TAFA1: variants seen among roughly 807,000 people sequenced by gnomAD.
The protein encoded by TAFA1 is TAFA chemokine like family member 1, also known as chemokine-like protein TAFA-1.
Under a neutral mutation model 18.5 loss-of-function variants are expected in TAFA1, and 4 were observed. The observed-to-expected ratio is 0.22, with a 90% CI of 0.11 to 0.49. The LOEUF (loss-of-function observed/expected upper bound fraction) is 0.49. TAFA1 is among the 20% of genes least tolerant of loss of function. TAFA1 has a pLI of 0.98. For missense variants in TAFA1, 147 were observed against 169.0 expected, an observed-to-expected ratio of 0.87 and a Z score of 0.72; for synonymous variants, 56 against 55.2, an observed-to-expected ratio of 1.01 and a Z score of -0.06.
chr3:68,406,500 TC>T (rs1481027001), intron 2 of TAFA1, among the ~76,000 whole-genome samples: 2 of 152,230 alleles, frequency 1.3e-5, no homozygotes, highest in African/African-American at 4.8e-5. Context: ...AGATGTTGGC[TC>T]AGGGAAGCTG....
At chr3:68,334,772 A>G (rs2068943043) in intron 2 of TAFA1, among the ~76,000 whole-genome samples, 3 of 152,096 alleles carry the variant, frequency 2.0e-5, no homozygotes, top group South Asian at 4.1e-4. Flanking sequence ...ACACATTGAT[A>G]TGGGTTCCTC....
chr3:68,181,089 A>C (rs1490869002), intron 2 of TAFA1, among the ~76,000 whole-genome samples: 1 of 152,120 alleles, frequency 6.6e-6, no homozygotes, highest in African/African-American at 2.4e-5. Flanking sequence ...TGGTCCAACA[A>C]ACTACAAGGA....
chr3:68,303,606 G>A (rs558541281), intron 2 of TAFA1, among the ~76,000 whole-genome samples: 81 of 151,928 alleles, frequency 5.3e-4, no homozygotes, highest in African/African-American at 1.9e-3. Flanking sequence ...CCACCACCAC[G>A]TCCAGCTAAT....
chr3:68,456,218 A>T (rs2071662819), intron 3 of TAFA1, among the ~76,000 whole-genome samples: 1 of 152,170 alleles, frequency 6.6e-6, no homozygotes, highest in Non-Finnish European at 1.5e-5. Flanking sequence ...TTTCCCTTCA[A>T]GACTCAGGGG....
At chr3:68,312,128 C>T (rs923270976) in intron 2 of TAFA1, among the ~76,000 whole-genome samples, 9 of 152,186 alleles carry the variant, frequency 5.9e-5, no homozygotes, top group Non-Finnish European at 7.3e-5. Context: ...CTGTGATGCA[C>T]GGCATCAAGT....
chr3:68,508,696 A>G (rs2072801671), intron 3 of TAFA1, among the ~76,000 whole-genome samples: 1 of 152,146 alleles, frequency 6.6e-6, no homozygotes, highest in South Asian at 2.1e-4. Flanking sequence ...TCAGACAAAA[A>G]TAACACCAAT....
At chr3:68,354,362 T>G (rs905354767) in intron 2 of TAFA1, among the ~76,000 whole-genome samples, 1 of 151,972 alleles carries the variant, frequency 6.6e-6, no homozygotes, top group Non-Finnish European at 1.5e-5. Context: ...GCCCTGTGTT[T>G]CCATCTAGCA....
At chr3:68,412,438 A>C (rs1191798572) in intron 2 of TAFA1, among the ~76,000 whole-genome samples, 2 of 151,850 alleles carry the variant, frequency 1.3e-5, no homozygotes, top group Non-Finnish European at 2.9e-5. Context: ...CAGGTTTGTT[A>C]CATATGTATA....
At chr3:68,435,968 C>CT (rs972220181) in intron 3 of TAFA1, among the ~76,000 whole-genome samples, 4 of 152,054 alleles carry the variant, frequency 2.6e-5, no homozygotes, top group Non-Finnish European at 5.9e-5. Context: ...GATATTTTTA[C>CT]TTGATTGAGC....
At chr3:68,135,667 T>G (rs981247839) in intron 2 of TAFA1, among the ~76,000 whole-genome samples, 4 of 152,238 alleles carry the variant, frequency 2.6e-5, no homozygotes, top group African/African-American at 9.6e-5. Flanking sequence ...ATCAGCGGTA[T>G]TTTTTGTATG....
At chr3:68,472,249 T>C (rs773685431) in intron 3 of TAFA1, among the ~76,000 whole-genome samples, 4 of 152,164 alleles carry the variant, frequency 2.6e-5, no homozygotes, top group Non-Finnish European at 4.4e-5. Flanking sequence ...CAAGATCTGA[T>C]GGTTTTATAA....
intron 2 of TAFA1, among the ~76,000 whole-genome samples, chr3:68,081,472 G>A (rs994791657): frequency 7.3e-5 from 11 of 151,700 alleles, no homozygotes; most frequent in African/African-American, 2.4e-4. Flanking sequence ...TGATGATGGT[G>A]ATGTACAGAT....
At chr3:68,203,859 C>A (rs939720832) in intron 2 of TAFA1, among the ~76,000 whole-genome samples, 1 of 151,660 alleles carries the variant, frequency 6.6e-6, no homozygotes, top group Non-Finnish European at 1.5e-5. Context: ...TTTTCTCCCT[C>A]TCCTGGTTGG....
At chr3:68,079,048 A>G (rs561207197) in intron 2 of TAFA1, among the ~76,000 whole-genome samples, 2,538 of 152,264 alleles carry the variant, frequency 0.017, 74 homozygotes, top group African/African-American at 0.058. Context: ...GGTAGAGGGT[A>G]TGTGTCCAGG....
intron 2 of TAFA1, among the ~76,000 whole-genome samples, chr3:68,317,305 A>G (rs1415719609): frequency 6.6e-6 from 1 of 152,174 alleles, no homozygotes; most frequent in East Asian, 1.9e-4. Flanking sequence ...GACAACTCCT[A>G]TCTCAGTCAC....
At chr3:68,081,736 T>C (rs2064903425) in intron 2 of TAFA1, among the ~76,000 whole-genome samples, 1 of 152,202 alleles carries the variant, frequency 6.6e-6, no homozygotes, top group African/African-American at 2.4e-5. Context: ...CAGGGACATT[T>C]AAGTCTGCAG....
chr3:68,334,384 G>T (rs576619894), intron 2 of TAFA1, among the ~76,000 whole-genome samples: 1 of 152,158 alleles, frequency 6.6e-6, no homozygotes, highest in African/African-American at 2.4e-5. Context: ...TACATTTGTC[G>T]ATTTGTGAAA....
intron 3 of TAFA1, among the ~76,000 whole-genome samples, chr3:68,482,870 A>T (rs986710869): frequency 1.3e-5 from 2 of 152,228 alleles, no homozygotes; most frequent in African/African-American, 4.8e-5. Flanking sequence ...GGAGAGAAAG[A>T]AACTAGATTC....
At chr3:68,261,809 T>G (rs1275425679) in intron 2 of TAFA1, among the ~76,000 whole-genome samples, 1 of 152,088 alleles carries the variant, frequency 6.6e-6, no homozygotes, top group Admixed American at 6.5e-5. Context: ...GAGATATACT[T>G]AATGCTAAAT....
Sources: allele counts gnomAD v4.1 joint callset (sites outside exome capture counted in the v4.1 genomes callset), GRCh38; gene constraint gnomAD v4.1.1; transcripts MANE v1.5; gene names NCBI Gene and HGNC (gene_info 2026-07-23, HGNC 2026-07-21).